Variants in SYNE1 observed in about 807,000 individuals in gnomAD.
The protein encoded by SYNE1 is spectrin repeat containing nuclear envelope protein 1.
A neutral mutation model predicts 1,111.0 loss-of-function variants in SYNE1; 616 were observed. That is an observed-to-expected ratio of 0.55 (90% CI 0.52 to 0.59). SYNE1 has a LOEUF of 0.59. SYNE1 is among the 20% of genes least tolerant of loss of function. The pLI, the probability that SYNE1 is intolerant of heterozygous loss-of-function variation, is 0.00. For missense variants in SYNE1, 10,006 were observed against 10,417.0 expected, an observed-to-expected ratio of 0.96 and a Z score of 1.72; for synonymous variants, 3,855 against 3,825.8, an observed-to-expected ratio of 1.01 and a Z score of -0.28.
intron 90 of SYNE1, 109 bp downstream of exon 90, chr6:152,309,726 A>G: frequency 7.1e-7 from 1 of 1,408,828 alleles, no homozygotes. Flanking sequence ...ACAGCCTGTC[A>G]GATTCAACAC....
intron 131 of SYNE1, among the ~76,000 whole-genome samples, chr6:152,156,844 T>G (rs187734136): frequency 1.8e-4 from 28 of 152,262 alleles, no homozygotes; most frequent in African/African-American, 6.7e-4. Flanking sequence ...TTTTTTTTTT[T>G]TGGGATGGAG....
chr6:152,547,368 G>C (rs1464155743), intron 3 of SYNE1, among the ~76,000 whole-genome samples: 1 of 152,212 alleles, frequency 6.6e-6, no homozygotes, highest in Non-Finnish European at 1.5e-5. Context: ...TGGGCAGTGA[G>C]GGAACCGCCA....
At chr6:152,319,048 C>T in intron 84 of SYNE1, 33 bp from the exon 85 acceptor site, 3 of 1,612,932 alleles carry the variant, frequency 1.9e-6, no homozygotes, top group Middle Eastern at 1.7e-4. Context: ...CAAAACAAGC[C>T]ATGGTTAAAA....
chr6:152,217,166 G>A (rs866484995), intron 121 of SYNE1, among the ~76,000 whole-genome samples: 28 of 148,988 alleles, frequency 1.9e-4, no homozygotes, highest in African/African-American at 4.5e-4. Flanking sequence ...AGGCTGAGGC[G>A]GGCAGATCAC....
rs1590978843 is a variant in SYNE1, at chr6:152,357,607, C to T, written c.10608+766G>A. On this transcript the variant is annotated intron_variant, in intron 66 of 145. Coordinates refer to ENST00000367255, the MANE Select transcript of SYNE1 (RefSeq NM_182961.4). Reference sequence around the variant, plus strand: ...TAAGTTTATGGGCCCTTCTTTGATGCTACCATAAGACCCCTTACATTAGTC... The same window carrying T: ...TAAGTTTATGGGCCCTTCTTTGATGTTACCATAAGACCCCTTACATTAGTC... Among the ~76,000 whole-genome samples, 4 of 152,236 alleles carry T rather than the reference C, an allele frequency of 2.6e-5. No homozygotes were observed. The South Asian group carries it at 6.2e-4, about 24-fold the overall frequency.
rs73780338 is a variant in SYNE1 at position 152,143,081 on chromosome 6, C to T, written c.25119+542G>A. Among the ~76,000 whole-genome samples the T allele has an allele frequency of 3.1e-3, 466 of 152,264 alleles. 3 individuals are homozygous for T. The highest frequency in any genetic ancestry group is 0.014 in the East Asian group (75 of 5,178). The stretch of plus-strand genomic sequence containing the variant: ...GACTTTATCATACATAGCCAATAGC[C>T]GCATAGATAGAACTGGTAGTATATC... On this transcript the variant is annotated intron_variant, in intron 138 of 145. Coordinates refer to ENST00000367255, the MANE Select transcript of SYNE1 (RefSeq NM_182961.4).
chr6:152,392,050 C>G (rs961751214), intron 51 of SYNE1, among the ~76,000 whole-genome samples: 1 of 152,060 alleles, frequency 6.6e-6, no homozygotes, highest in Non-Finnish European at 1.5e-5. Context: ...GTTCAAAGCT[C>G]GGCGCAGGCA....
Position 152,321,312 on chromosome 6 carries a change from G to A in SYNE1, c.16162C>T (p.Leu5388Phe). 6.2e-7 allele frequency: 1 copy of A among 1,613,872 alleles called. No individual in the cohort carries two copies. Among genetic ancestry groups the A allele is most frequent in the Admixed American group, 1.7e-5 (1 of 60,010 alleles). Reference sequence around the variant, plus strand: ...AGTTCAGAAGGTAATATGGTATAAAGACCTAAGTACTTCTCCTTCTGTTCT... The same window carrying A: ...AGTTCAGAAGGTAATATGGTATAAAAACCTAAGTACTTCTCCTTCTGTTCT... The part of the protein sequence containing the change: ...AEEQKEKYLG[L>F]YTILPSELSL... Residue 5388 changes from leucine (L) to phenylalanine (F), a missense_variant, in exon 84 of 146, where the codon CTT (leucine) becomes TTT (phenylalanine). By Grantham distance (22) the Leu-to-Phe change is conservative. This residue lies in a region of SYNE1 where 4,955 missense variants were observed against 5,017.2 expected (regional missense o/e 0.99). Coordinates refer to ENST00000367255, the MANE Select transcript of SYNE1 (RefSeq NM_182961.4).
Position 152,220,825 on chromosome 6 carries a change from G to C in SYNE1, c.21861+17C>G. The C allele has an allele frequency of 6.2e-7, 1 of 1,611,394 alleles. No homozygotes were observed. On this transcript the variant is annotated intron_variant, in intron 119 of 145. Coordinates refer to ENST00000367255, the MANE Select transcript of SYNE1 (RefSeq NM_182961.4). ...AAGAAGGGCATGTGGGGAAAACAAGGTAGCTCCTGAACATACGTTGCAATC... is the reference window on the plus strand; with the variant it reads ...AAGAAGGGCATGTGGGGAAAACAAGCTAGCTCCTGAACATACGTTGCAATC...
Position 152,540,035 on chromosome 6 carries a change from G to A in SYNE1, c.68-14C>T, listed in dbSNP as rs554675581. 5 of 1,612,336 alleles carry A rather than the reference G, an allele frequency of 3.1e-6. No homozygotes were observed. In the South Asian group the frequency reaches 4.4e-5, roughly 14 times the overall value. On this transcript the variant is annotated splice_polypyrimidine_tract_variant and intron_variant, in intron 3 of 145. Coordinates refer to ENST00000367255, the MANE Select transcript of SYNE1 (RefSeq NM_182961.4). ...TCTCTTGCTCATCTAGAAGGAAAAA[G>A]AAATCTGGTTAAATAATGTAATATT...
chr6:152,378,485 G>A (rs1327426243), intron 56 of SYNE1, among the ~76,000 whole-genome samples: 2 of 152,146 alleles, frequency 1.3e-5, no homozygotes, highest in Admixed American at 1.3e-4. Flanking sequence ...AGCTTATTCT[G>A]TGTCTTAGCT....
At chr6:152,590,532 T>G (rs529483291) in intron 3 of SYNE1, among the ~76,000 whole-genome samples, 1 of 152,220 alleles carries the variant, frequency 6.6e-6, no homozygotes, top group South Asian at 2.1e-4. Context: ...TTCCCATAGT[T>G]TCTACAATTA....
intron 127 of SYNE1, among the ~76,000 whole-genome samples, chr6:152,200,810 C>T (rs2075261407): frequency 6.6e-6 from 1 of 152,206 alleles, no homozygotes; most frequent in African/African-American, 2.4e-5. Flanking sequence ...ACTTTCCATC[C>T]ATGATGTAAA....
chr6:152,381,329 G>A lies in SYNE1; in HGVS notation c.8686C>T (p.Arg2896Cys), dbSNP rs750573381. The change falls in exon 56 of 146, where the codon CGT (arginine) becomes TGT (cysteine). Residue 2896 changes from arginine to cysteine, a missense_variant. Physicochemically the swap from Arg to Cys is radical, Grantham distance 180 (BLOSUM62 -3). Transcript: ENST00000367255. Reference sequence around the variant, plus strand: ...GCCAGCGACTCCACTCTGCTGAGACGGCTTGCACCAATCTCTCTGGAATCT... The same window carrying A: ...GCCAGCGACTCCACTCTGCTGAGACAGCTTGCACCAATCTCTCTGGAATCT... ...LIDSREIGAS[R>C]LSRVESLAPE... is the part of the protein sequence containing the mutation. The A allele has an allele frequency of 1.7e-5, 27 of 1,613,812 alleles. No individual in the cohort carries two copies. Among genetic ancestry groups the A allele is most frequent in the Admixed American group, 6.7e-5 (4 of 60,006 alleles).
rs776596697 is a variant in SYNE1 at position 152,455,468 on chromosome 6, C to T, written c.2850G>A (p.Leu950=). The change falls in exon 24 of 146, where the codon CTG becomes CTA. Residue 950 remains leucine, a synonymous_variant. Transcript: ENST00000367255. Reference sequence around the variant, plus strand: ...GCTCCTCTGGATCCCCCTTTTCCTCCAGGCCCTCCTGAGCAATCCGCAGTA... The same window carrying T: ...GCTCCTCTGGATCCCCCTTTTCCTCTAGGCCCTCCTGAGCAATCCGCAGTA... ...EKVLRIAQEG[L]EEKGDPEELL... 5 of 1,614,064 alleles carry T rather than the reference C, an allele frequency of 3.1e-6. No homozygotes were observed. The highest frequency in any genetic ancestry group is 4.2e-6 in the Non-Finnish European group (5 of 1,180,032).
chr6:152,268,136 C>T lies in SYNE1; in HGVS notation c.18735G>A (p.Lys6245=), dbSNP rs2092878918. ...KELEQELAEQ[K]SLLRSVASRG... Reference sequence around the variant, plus strand: ...GACTGGCTACTGAGCGAAGGAGACTCTTCTGCTCGGCTAATTCCTGTTCTA... The same window carrying T: ...GACTGGCTACTGAGCGAAGGAGACTTTTCTGCTCGGCTAATTCCTGTTCTA... The change falls in exon 100 of 146, where the codon AAG becomes AAA. Residue 6245 remains lysine (K), a synonymous_variant. Coordinates refer to ENST00000367255, the MANE Select transcript of SYNE1 (RefSeq NM_182961.4). The T allele has an allele frequency of 1.2e-6, 2 of 1,614,070 alleles. No homozygotes were observed. The highest frequency in any genetic ancestry group is 8.5e-7 in the Non-Finnish European group (1 of 1,180,028).
At chr6:152,246,849 T>G (rs1233324019) in intron 105 of SYNE1, among the ~76,000 whole-genome samples, 1 of 151,950 alleles carries the variant, frequency 6.6e-6, no homozygotes, top group African/African-American at 2.4e-5. Context: ...TAGAAAACAA[T>G]GAAGAAAAAG....
chr6:152,494,732 A>T (rs550719438), intron 11 of SYNE1, among the ~76,000 whole-genome samples: 69 of 152,262 alleles, frequency 4.5e-4, no homozygotes, highest in Non-Finnish European at 7.4e-5. Context: ...CTCCATCGTT[A>T]ATGACTCTTT....
At chr6:152,547,500 G>A (rs2099319855) in intron 3 of SYNE1, among the ~76,000 whole-genome samples, 1 of 152,192 alleles carries the variant, frequency 6.6e-6, no homozygotes, top group African/African-American at 2.4e-5. Flanking sequence ...GTGTCAGTTG[G>A]CTTCTTTTAG....
Sources: gnomAD v4.1 joint callset for allele counts (sites outside exome capture counted in the v4.1 genomes callset) on GRCh38, gnomAD v4.1.1 for gene constraint, gnomAD v4.1.1 regional missense constraint, MANE v1.5 for transcripts, NCBI Gene and HGNC (gene_info 2026-07-23, HGNC 2026-07-21) for gene names.